WDFY3: variants seen among roughly 807,000 people sequenced by gnomAD.
WDFY3 encodes the protein WD repeat and FYVE domain-containing protein 3.
In WDFY3, 66 loss-of-function variants were observed where a neutral mutation model predicts 409.6. That is an observed-to-expected ratio of 0.16 (90% confidence interval 0.13 to 0.20). WDFY3 has a LOEUF of 0.20. WDFY3 is among the 10% of genes least tolerant of loss of function. The pLI is 1.00. For missense variants in WDFY3, 3,031 were observed against 4,298.1 expected (o/e 0.71, Z 8.24); for synonymous variants, 1,521 against 1,537.1 (o/e 0.99, Z 0.25).
At chr4:84,805,390 G>GA in intron 15 of WDFY3, among the ~76,000 whole-genome samples, 1 of 152,094 alleles carries the variant, frequency 6.6e-6, no homozygotes, top group East Asian at 1.9e-4. Flanking sequence ...TTTCAAACCA[G>GA]AAAAATATTG....
chr4:84,796,635 G>T lies in WDFY3; in HGVS notation c.3053C>A (p.Pro1018His). The part of the protein sequence containing the change: ...LVKSAEGSTV[P>H]LTRVKCLVSM... ...GACCAGACACTTCACCCTGGTCAGG[G>T]GTACAGTACTTCCTTCCGCAGATTT... The change falls in exon 19 of 68, where the codon CCC (proline) becomes CAC (histidine). Residue 1018 changes from proline to histidine, a missense_variant. Physicochemically the swap from Pro to His is moderately conservative, Grantham distance 77 (BLOSUM62 -2). Transcript: ENST00000295888. 6.2e-7 allele frequency: 1 copy of T among 1,613,980 alleles called. No individual in the cohort carries two copies. Among genetic ancestry groups the T allele is most frequent in the Non-Finnish European group, 8.5e-7 (1 of 1,179,966 alleles).
In WDFY3 at chr4:84,755,283, G is replaced by A. The variant is rs140630536; in HGVS notation, c.5542C>T (p.Arg1848Cys). Residue 1848 changes from arginine (R) to cysteine (C), a missense_variant, in exon 34 of 68, where the codon CGC (arginine) becomes TGC (cysteine). By Grantham distance (180) the Arg-to-Cys change is radical. Transcript: ENST00000295888. ...GAACTTACTGAAGTCAGCATGCTGCGGAGCATTCCCAATAATAAAAAAACA... is the reference window on the plus strand; with the variant it reads ...GAACTTACTGAAGTCAGCATGCTGCAGAGCATTCCCAATAATAAAAAAACA... The part of the protein sequence containing the change: ...EAVFLLLGML[R>C]SMLTSPWQSE... The A allele has an allele frequency of 3.1e-6, 5 of 1,612,786 alleles. No individual in the cohort carries two copies. The highest frequency in any genetic ancestry group is 1.7e-5 in the Admixed American group (1 of 59,658).
At chr4:84,921,552 T>A (rs777983770) in intron 2 of WDFY3, among the ~76,000 whole-genome samples, 9 of 151,890 alleles carry the variant, frequency 5.9e-5, no homozygotes, top group African/African-American at 2.2e-4. Flanking sequence ...ATATCTGACA[T>A]TTTATCAAAT....
chr4:84,954,455 A>G (rs1428907470), intron 1 of WDFY3, among the ~76,000 whole-genome samples: 1 of 152,200 alleles, frequency 6.6e-6, no homozygotes, highest in Non-Finnish European at 1.5e-5. Context: ...TGTAGGGTCA[A>G]AGAGACACAA....
intron 41 of WDFY3, among the ~76,000 whole-genome samples, chr4:84,736,903 C>A (rs1737529682): frequency 1.3e-5 from 2 of 151,274 alleles, no homozygotes; most frequent in African/African-American, 4.9e-5. Flanking sequence ...GATTGTGGAC[C>A]TGTAGCCAAG....
At position 84,863,030 on chromosome 4, in the gene WDFY3, T is replaced by C. The variant is rs569734235; in HGVS notation, c.-31-2408A>G. Among the ~76,000 whole-genome samples, 3 of 152,374 alleles carry C rather than the reference T, an allele frequency of 2.0e-5. No homozygotes were observed. In the East Asian group the frequency reaches 5.8e-4, roughly 29 times the overall value. On this transcript the variant is annotated intron_variant, in intron 3 of 67. Coordinates refer to ENST00000295888, the MANE Select transcript of WDFY3 (RefSeq NM_014991.6). ...CAAGGTTCATCTGTATTGTTGCAAA[T>C]GACAGCACTTCCTTTTATAAGGACG...
intron 5 of WDFY3, among the ~76,000 whole-genome samples, chr4:84,846,705 G>C (rs186360453): frequency 2.3e-3 from 347 of 151,152 alleles, no homozygotes; most frequent in African/African-American, 7.7e-3. Flanking sequence ...TAAAATGCTT[G>C]TAAACGTATT....
At chr4:84,933,203 C>T (rs573027511) in intron 1 of WDFY3, among the ~76,000 whole-genome samples, 1 of 152,130 alleles carries the variant, frequency 6.6e-6, no homozygotes, top group East Asian at 1.9e-4. Context: ...TTGTTAAACT[C>T]TTTAATCGTA....
chr4:84,698,520 A>G (rs1335771822), intron 56 of WDFY3, among the ~76,000 whole-genome samples: 1 of 151,920 alleles, frequency 6.6e-6, no homozygotes, highest in Non-Finnish European at 1.5e-5. Context: ...TGATGCTCCT[A>G]CCTTGGCCTC....
At chr4:84,862,125 C>T (rs1001716027) in intron 3 of WDFY3, among the ~76,000 whole-genome samples, 3 of 152,204 alleles carry the variant, frequency 2.0e-5, no homozygotes, top group African/African-American at 7.2e-5. Flanking sequence ...ACAAGAATTT[C>T]AAACACACTT....
chr4:84,812,623 AG>A (rs761105069), intron 13 of WDFY3, among the ~76,000 whole-genome samples: 4 of 152,178 alleles, frequency 2.6e-5, no homozygotes, highest in Non-Finnish European at 5.9e-5. Context: ...AAATATGACA[AG>A]TATTATTTTA....
At chr4:84,827,815 T>C (rs1755073059) in intron 9 of WDFY3, among the ~76,000 whole-genome samples, 1 of 152,158 alleles carries the variant, frequency 6.6e-6, no homozygotes, top group Admixed American at 6.6e-5. Context: ...GTTAAATTGG[T>C]GTTAGAAATA....
intron 44 of WDFY3, among the ~76,000 whole-genome samples, chr4:84,733,135 G>A (rs1736881060): frequency 6.6e-6 from 1 of 152,214 alleles, no homozygotes; most frequent in Admixed American, 6.5e-5. Flanking sequence ...AAGTGGCAGA[G>A]TCAGGTCTTA....
chr4:84,683,801 A>T (rs973044826), intron 63 of WDFY3, 142 bp downstream of exon 63: 4 of 761,188 alleles, frequency 5.3e-6, no homozygotes. Flanking sequence ...GATAACGCAG[A>T]GGCCAAGGCC....
chr4:84,934,316 T>C (rs976507679), intron 1 of WDFY3, among the ~76,000 whole-genome samples: 15 of 152,192 alleles, frequency 9.9e-5, no homozygotes, highest in Non-Finnish European at 2.1e-4. Context: ...GCCATATGTA[T>C]GTCTTCTTTT....
chr4:84,705,540 AGTTAC>A (rs1244808500), intron 53 of WDFY3, 29 bp from the exon 54 acceptor site: 1 of 1,556,772 alleles, frequency 6.4e-7, no homozygotes, highest in East Asian at 2.2e-5. Flanking sequence ...CTCAATTCCA[AGTTAC>A]TATACACTAT....
At chr4:84,696,875 G>C in intron 56 of WDFY3, 52 bp from the exon 57 acceptor site, 1 of 1,494,656 alleles carries the variant, frequency 6.7e-7, no homozygotes, top group Non-Finnish European at 9.3e-7. Context: ...TGGGATAAAT[G>C]GTAACTTTAT....
chr4:84,935,533 C>T (rs1771302787), intron 1 of WDFY3, among the ~76,000 whole-genome samples: 1 of 152,022 alleles, frequency 6.6e-6, no homozygotes, highest in Admixed American at 6.6e-5. Flanking sequence ...TATATTTTAC[C>T]CATTTTCCTC....
intron 58 of WDFY3, among the ~76,000 whole-genome samples, chr4:84,695,524 AG>A (rs1293056727): frequency 6.7e-6 from 1 of 150,164 alleles, no homozygotes; most frequent in African/African-American, 2.5e-5. Context: ...AGAGAGAGAG[AG>A]AGAGAGAGAG....
Sources: gnomAD v4.1 joint callset for allele counts (sites outside exome capture counted in the v4.1 genomes callset) on GRCh38, gnomAD v4.1.1 for gene constraint, MANE v1.5 for transcripts, NCBI Gene and HGNC (gene_info 2026-07-23, HGNC 2026-07-21) for gene names.